The following PTBP3 variants were observed in gnomAD, a reference collection of about 807,000 sequenced individuals.
PTBP3 encodes polypyrimidine tract binding protein 3, also known as polypyrimidine tract-binding protein 3.
In PTBP3, 20 loss-of-function variants were observed where a neutral mutation model predicts 58.7. The observed-to-expected ratio is 0.34, with a 90% CI of 0.24 to 0.50. The LOEUF (loss-of-function observed/expected upper bound fraction) is 0.50. Among genes scored for constraint, PTBP3 ranks in the 20% least tolerant of loss-of-function variants. The pLI is 0.98. For missense variants in PTBP3, 509 were observed against 637.2 expected, an observed-to-expected ratio of 0.80 and a Z score of 2.17; for synonymous variants, 185 against 219.8, an observed-to-expected ratio of 0.84 and a Z score of 1.40.
chr9:112,377,368 G>A, the PTBP3 span, among the ~76,000 whole-genome samples: 12 of 152,108 alleles, frequency 7.9e-5, no homozygotes, highest in African/African-American at 2.4e-4. Context: ...AAAACAAAAC[G>A]AAACACATTG....
chr9:112,257,201 C>T (rs1292266206), intron 5 of PTBP3, among the ~76,000 whole-genome samples: 2 of 152,164 alleles, frequency 1.3e-5, no homozygotes, highest in African/African-American at 4.8e-5. Context: ...CAATAGCACT[C>T]TAGTCCCCTG....
rs1322727889 is a variant in PTBP3, at chr9:112,249,869, G to GTAA, written c.802+1057_802+1059dup. On this transcript the variant is annotated intron_variant, in intron 7 of 13. Coordinates refer to ENST00000374257, the MANE Select transcript of PTBP3 (RefSeq NM_001163788.4). Reference sequence around the variant, plus strand: ...ATTTCTATCATTTGTTATTAAAATGGTAATGACAAAAGACCTTTGTCACTG... The same window carrying GTAA: ...ATTTCTATCATTTGTTATTAAAATGGTAATAATGACAAAAGACCTTTGTCACTG... Among the ~76,000 whole-genome samples, 14 of 151,300 alleles carry GTAA rather than the reference G, an allele frequency of 9.3e-5. No individual in the cohort carries two copies. In the East Asian group the frequency reaches 2.1e-3, roughly 23 times the overall value.
At chr9:112,290,973 G>C (rs1044251184) in intron 2 of PTBP3, among the ~76,000 whole-genome samples, 5 of 151,928 alleles carry the variant, frequency 3.3e-5, no homozygotes, top group Non-Finnish European at 5.9e-5. Flanking sequence ...TATAATCCCA[G>C]CACCTTGGGA....
intron 2 of PTBP3, among the ~76,000 whole-genome samples, chr9:112,291,424 G>T (rs1018356652): frequency 6.7e-6 from 1 of 150,320 alleles, no homozygotes; most frequent in South Asian, 2.1e-4. Context: ...AAGCAATCTT[G>T]AGAAAAACAA....
chr9:112,294,200 A>G (rs528480921), intron 2 of PTBP3, among the ~76,000 whole-genome samples: 36 of 152,332 alleles, frequency 2.4e-4, no homozygotes, highest in African/African-American at 8.2e-4. Flanking sequence ...GGAACCGATT[A>G]AAGTATGATG....
At chr9:112,260,409 T>C (rs1303719432) in intron 5 of PTBP3, among the ~76,000 whole-genome samples, 1 of 152,220 alleles carries the variant, frequency 6.6e-6, no homozygotes, top group African/African-American at 2.4e-5. Context: ...CTAGACCCTG[T>C]ATCTGTAACT....
At chr9:112,272,412 G>A (rs375638732) in intron 3 of PTBP3, among the ~76,000 whole-genome samples, 11 of 152,174 alleles carry the variant, frequency 7.2e-5, no homozygotes, top group South Asian at 4.2e-4. Context: ...GACATTAACC[G>A]TTCTGAGTCC....
At chr9:112,336,071 A>C (rs999668192), upstream of PTBP3, among the ~76,000 whole-genome samples, 40 of 152,052 alleles carry the variant, frequency 2.6e-4, no homozygotes, top group African/African-American at 8.9e-4. Flanking sequence ...ACAGAGTTTC[A>C]CCATGTTGGC....
At chr9:112,300,010 T>C (rs1036863081) in intron 1 of PTBP3, among the ~76,000 whole-genome samples, 2 of 152,212 alleles carry the variant, frequency 1.3e-5, no homozygotes, top group African/African-American at 2.4e-5. Flanking sequence ...CTAAAGATAT[T>C]TGACCGCATC....
intron 1 of PTBP3, among the ~76,000 whole-genome samples, chr9:112,325,136 G>C (rs773206141): frequency 2.0e-5 from 3 of 152,178 alleles, no homozygotes; most frequent in Non-Finnish European, 2.9e-5. Flanking sequence ...TTATATATTT[G>C]ATAAGAGTCA....
intron 1 of PTBP3, among the ~76,000 whole-genome samples, chr9:112,330,006 C>T (rs1310818274): frequency 9.9e-5 from 15 of 151,912 alleles, no homozygotes; most frequent in African/African-American, 2.4e-4. Flanking sequence ...CCACCATGCC[C>T]GGCTAATTTT....
chr9:112,291,229 C>CAA (rs562722222), intron 2 of PTBP3, among the ~76,000 whole-genome samples: 205 of 147,706 alleles, frequency 1.4e-3, no homozygotes, highest in African/African-American at 2.4e-3. Flanking sequence ...TCTCTGTCTC[C>CAA]AAAAAAAAAA....
At chr9:112,368,530 T>C in the PTBP3 span, among the ~76,000 whole-genome samples, 2 of 148,516 alleles carry the variant, frequency 1.3e-5, no homozygotes, top group Non-Finnish European at 3.0e-5. Context: ...ATCTTGGCTT[T>C]TTTTTTTTAA....
At chr9:112,235,095 C>T (rs1378210745) in intron 7 of PTBP3, among the ~76,000 whole-genome samples, 198 bp from the exon 8 acceptor site, 1 of 152,146 alleles carries the variant, frequency 6.6e-6, no homozygotes, top group Non-Finnish European at 1.5e-5. Context: ...CAATTGGGTT[C>T]AAGGACCAAG....
intron 3 of PTBP3, among the ~76,000 whole-genome samples, chr9:112,269,893 C>A (rs1343640107): frequency 6.6e-6 from 1 of 151,876 alleles, no homozygotes; most frequent in African/African-American, 2.4e-5. Context: ...AAGAAAAAAA[C>A]CAAGAACCAC....
rs1308788293 is a variant in PTBP3, at chr9:112,221,241, G to A, written c.*2610C>T. On this transcript the variant is annotated 3_prime_UTR_variant, in exon 14 of 14. Transcript: ENST00000374257. ...CATATGTATATACAACTTTAGAAGAGTGTATTTATGTATATACACTTATCT... is the reference window on the plus strand; with the variant it reads ...CATATGTATATACAACTTTAGAAGAATGTATTTATGTATATACACTTATCT... 2 of 984,356 alleles carry A rather than the reference G, an allele frequency of 2.0e-6. No individual in the cohort carries two copies. Among genetic ancestry groups the A allele is most frequent in the East Asian group, 1.1e-4 (1 of 8,808 alleles). The allele number at this position is 984,356 out of a possible 1,614,324, so 61.0% of individuals were successfully genotyped here. A position where few individuals can be genotyped will look rare whatever the true frequency, so the allele number is the denominator to read the frequency against.
chr9:112,337,248 T>C (rs1261095008), upstream of PTBP3, among the ~76,000 whole-genome samples: 2 of 152,214 alleles, frequency 1.3e-5, no homozygotes, highest in Non-Finnish European at 2.9e-5. Context: ...CAGGCTGGTC[T>C]CAAACTCCTG....
chr9:112,316,841 G>A (rs1003912509), intron 1 of PTBP3, among the ~76,000 whole-genome samples: 12 of 151,902 alleles, frequency 7.9e-5, no homozygotes, highest in African/African-American at 2.9e-4. Flanking sequence ...GCATGGTGGT[G>A]TGCACCTGTA....
the PTBP3 span, among the ~76,000 whole-genome samples, chr9:112,342,904 A>G: frequency 6.6e-6 from 1 of 152,142 alleles, no homozygotes; most frequent in East Asian, 1.9e-4. Context: ...TGTTGCCCAG[A>G]CTGAACTCAA....
Sources: gnomAD v4.1 joint callset for allele counts (sites outside exome capture counted in the v4.1 genomes callset) on GRCh38, gnomAD v4.1.1 for gene constraint, MANE v1.5 for transcripts, NCBI Gene and HGNC (gene_info 2026-07-23, HGNC 2026-07-21) for gene names.